EPB41: variants seen among roughly 807,000 people sequenced by gnomAD.
EPB41 encodes the protein erythrocyte membrane protein band 4.1.
EPB41 carries 65 observed loss-of-function variants against 108.0 expected under a neutral mutation model. The ratio of observed to expected loss-of-function variants is 0.60; its 90% CI spans 0.49 to 0.74. The LOEUF (loss-of-function observed/expected upper bound fraction) is 0.74, where lower values mean the gene tolerates loss of function less well. Among genes scored for constraint, EPB41 ranks in the 30% least tolerant of loss-of-function variants. EPB41 has a pLI of 0.00. For missense variants in EPB41, 875 were observed against 1,037.0 expected, an observed-to-expected ratio of 0.84 and a Z score of 2.15; for synonymous variants, 336 against 358.9, an observed-to-expected ratio of 0.94 and a Z score of 0.72.
chr1:28,952,998 G>C (rs1374500788), intron 1 of EPB41, among the ~76,000 whole-genome samples: 1 of 152,090 alleles, frequency 6.6e-6, no homozygotes, highest in Non-Finnish European at 1.5e-5. Context: ...CAAAGTGCCG[G>C]GATTACAGGC....
At chr1:29,102,815 C>T (rs1312620562) in intron 17 of EPB41, among the ~76,000 whole-genome samples, 1 of 152,068 alleles carries the variant, frequency 6.6e-6, no homozygotes, top group African/African-American at 2.4e-5. Context: ...TCTTGTCGCC[C>T]AGGCTGGAAT....
chr1:29,033,302 C>T, intron 9 of EPB41, 57 bp downstream of exon 9: 1 of 1,585,472 alleles, frequency 6.3e-7, no homozygotes, highest in Non-Finnish European at 8.6e-7. Context: ...TCTGAAATAT[C>T]TACATTTCCA....
chr1:29,040,584 C>G (rs1267737849), intron 11 of EPB41, among the ~76,000 whole-genome samples: 1 of 151,930 alleles, frequency 6.6e-6, no homozygotes, highest in Non-Finnish European at 1.5e-5. Context: ...CCCAGCCATA[C>G]AAGAATAATT....
At chr1:28,927,252 G>T (rs369501750) in intron 1 of EPB41, among the ~76,000 whole-genome samples, 1 of 152,108 alleles carries the variant, frequency 6.6e-6, no homozygotes, top group African/African-American at 2.4e-5. Context: ...TAATGAATTC[G>T]TGAATTTACA....
At chr1:29,063,184 T>C (rs3003627) in intron 15 of EPB41, among the ~76,000 whole-genome samples, 51,427 of 152,042 alleles carry the variant, frequency 0.34, 10,842 homozygotes, top group African/African-American at 0.59. Flanking sequence ...CTCAGTCCAA[T>C]ACTGGGTCTT....
intron 4 of EPB41, among the ~76,000 whole-genome samples, chr1:29,006,906 A>T (rs915168936): frequency 2.8e-5 from 4 of 140,520 alleles, no homozygotes; most frequent in Non-Finnish European, 4.7e-5. Context: ...TCCCAAAATT[A>T]AAAAAAAAAA....
At chr1:28,967,700 G>A (rs183586616) in intron 1 of EPB41, among the ~76,000 whole-genome samples, 6 of 152,068 alleles carry the variant, frequency 3.9e-5, no homozygotes, top group African/African-American at 1.4e-4. Flanking sequence ...CCACCTCCTG[G>A]GCTTAAATGA....
intron 1 of EPB41, among the ~76,000 whole-genome samples, chr1:28,939,267 G>A (rs1363014927): frequency 6.6e-6 from 1 of 151,986 alleles, no homozygotes; most frequent in African/African-American, 2.4e-5. Flanking sequence ...TGTGGATTTT[G>A]TCTTTTATTC....
At chr1:28,906,799 G>A (rs1337529653) in intron 1 of EPB41, among the ~76,000 whole-genome samples, 1 of 146,924 alleles carries the variant, frequency 6.8e-6, no homozygotes, top group Non-Finnish European at 1.5e-5. Flanking sequence ...TTTTTGAGAC[G>A]GAGTCTCGCT....
chr1:28,895,875 G>T (rs2090607109), intron 1 of EPB41, among the ~76,000 whole-genome samples: 2 of 152,124 alleles, frequency 1.3e-5, no homozygotes, highest in Non-Finnish European at 2.9e-5. Flanking sequence ...CATCTCCCAT[G>T]ACCAGTACAC....
rs374792362 is a variant in EPB41 at position 28,934,887 on chromosome 1, T to G, written c.-8+20119T>G. ...ACTCAAACGCCTGTACTCCCAGCAC[T>G]TTGGAAGGCTGAGGCAGAAGGATTG... On this transcript the variant is annotated intron_variant, in intron 1 of 20. Coordinates refer to ENST00000343067, the MANE Select transcript of EPB41 (RefSeq NM_001376013.1). Among the ~76,000 whole-genome samples, 9 of 151,914 alleles carry G rather than the reference T, an allele frequency of 5.9e-5. No homozygotes were observed. In the East Asian group the frequency reaches 1.5e-3, roughly 26 times the overall value.
intron 4 of EPB41, among the ~76,000 whole-genome samples, chr1:28,998,004 A>G (rs2096221034): frequency 6.6e-6 from 1 of 152,224 alleles, no homozygotes; most frequent in Non-Finnish European, 1.5e-5. Context: ...GTCCAGTTTA[A>G]CAAGTATTTG....
chr1:28,937,457 C>T (rs563775272), intron 1 of EPB41, among the ~76,000 whole-genome samples: 219 of 152,244 alleles, frequency 1.4e-3, no homozygotes, highest in Middle Eastern at 0.01. Context: ...TGCAATGGCG[C>T]GATCTAGGCT....
chr1:28,983,181 G>A (rs1198930985), intron 1 of EPB41, among the ~76,000 whole-genome samples: 1 of 152,204 alleles, frequency 6.6e-6, no homozygotes, highest in African/African-American at 2.4e-5. Flanking sequence ...GTCTGATTAA[G>A]TGCCAAAAAG....
At chr1:28,986,099 C>T (rs1435380859) in intron 1 of EPB41, among the ~76,000 whole-genome samples, 1 of 149,270 alleles carries the variant, frequency 6.7e-6, no homozygotes, top group Non-Finnish European at 1.5e-5. Flanking sequence ...TTTGTTCTTG[C>T]GATAGTTTAC....
chr1:29,086,398 G>A (rs557386549), intron 16 of EPB41, among the ~76,000 whole-genome samples: 35 of 150,614 alleles, frequency 2.3e-4, no homozygotes, highest in African/African-American at 2.4e-4. Flanking sequence ...CTCATCCTCC[G>A]GAGTAGCTAG....
chr1:29,113,067 CT>C (rs1322416936), intron 19 of EPB41, among the ~76,000 whole-genome samples: 1 of 152,156 alleles, frequency 6.6e-6, no homozygotes, highest in African/African-American at 2.4e-5. Context: ...TGATTTTTTT[CT>C]CCTTTCCTAA....
intron 7 of EPB41, among the ~76,000 whole-genome samples, chr1:29,028,285 A>T (rs1424478087): frequency 6.6e-6 from 1 of 152,148 alleles, no homozygotes; most frequent in Non-Finnish European, 1.5e-5. Context: ...TGCTTTACTT[A>T]ATGTTTTAAA....
intron 4 of EPB41, among the ~76,000 whole-genome samples, chr1:29,007,752 TCTC>T (rs1343358968): frequency 8.5e-5 from 13 of 152,134 alleles, no homozygotes; most frequent in Non-Finnish European, 1.6e-4. Flanking sequence ...TATAGTCTCT[TCTC>T]CTCAATTTAC....
Sources: gnomAD v4.1 joint callset for allele counts (sites outside exome capture counted in the v4.1 genomes callset) on GRCh38, gnomAD v4.1.1 for gene constraint, MANE v1.5 for transcripts, NCBI Gene and HGNC (gene_info 2026-07-23, HGNC 2026-07-21) for gene names.